MARCHF9: variants seen among roughly 807,000 people sequenced by gnomAD.
The protein encoded by MARCHF9 is membrane associated ring-CH-type finger 9.
In MARCHF9, 17 loss-of-function variants were observed where a neutral mutation model predicts 35.2. That is an observed-to-expected ratio of 0.48 (90% confidence interval 0.33 to 0.72). MARCHF9 has a LOEUF of 0.72. Among genes scored for constraint, MARCHF9 ranks in the 30% least tolerant of loss-of-function variants. The pLI is 0.02. For missense variants in MARCHF9, 386 were observed against 478.2 expected (o/e 0.81, Z 1.80); for synonymous variants, 183 against 207.4 (o/e 0.88, Z 1.01).
chr12:57,758,932 C>A lies in MARCHF9; in HGVS notation c.*35C>A. On this transcript the variant is annotated 3_prime_UTR_variant, in exon 4 of 4. Transcript: ENST00000266643. This position sits in a 1 kb window ranked among gnomAD's most constrained non-coding sequence, Gnocchi z 5.4. ...CAGGAGCAGGGATCTTGAGTCAATG[C>A]ATCAGTCAGAGAAGAACTCTCATGG... 1 of 1,523,784 alleles carries A rather than the reference C, an allele frequency of 6.6e-7. No homozygotes were observed. The highest frequency in any genetic ancestry group is 1.2e-5 in the South Asian group (1 of 80,118). 94.4% of individuals were successfully genotyped at this position (1,523,784 alleles called of 1,614,324 possible). A position where few individuals can be genotyped will look rare whatever the true frequency, so the allele number is the denominator to read the frequency against.
intron 1 of MARCHF9, 52 bp from the exon 2 acceptor site, chr12:57,756,877 G>A: frequency 7.1e-7 from 1 of 1,418,138 alleles, no homozygotes; most frequent in Non-Finnish European, 9.3e-7. Flanking sequence ...GCGCGGCTGA[G>A]TGGGGTCGGG....
chr12:57,758,746 G>A lies in MARCHF9; in HGVS notation c.890G>A (p.Ser297Asn). The change falls in exon 4 of 4, where the codon AGC (serine) becomes AAC (asparagine). Residue 297 changes from serine (S) to asparagine (N), a missense_variant. Transcript: ENST00000266643. This position sits in a 1 kb window ranked among gnomAD's most constrained non-coding sequence, Gnocchi z 5.4. ...ACGGGCCCCACCTCTGGGGCCACGA[G>A]CCGCCCCCCAGCTGCCCAGCGCATG... ...SRTGPTSGAT[S>N]RPPAAQRMRT... is the part of the protein sequence containing the mutation. 6.2e-7 allele frequency: 1 copy of A among 1,611,324 alleles called. No homozygotes were observed. Among genetic ancestry groups the A allele is most frequent in the South Asian group, 1.1e-5 (1 of 90,744 alleles).
Position 57,758,573 on chromosome 12 carries a change from C to T in MARCHF9, c.717C>T (p.Ile239=). 6.2e-7 allele frequency: 1 copy of T among 1,608,230 alleles called. No individual in the cohort carries two copies. Among genetic ancestry groups the T allele is most frequent in the Middle Eastern group, 1.7e-4 (1 of 6,028 alleles). The change falls in exon 4 of 4, where the codon ATC becomes ATT. Residue 239 remains isoleucine (I), a synonymous_variant. Transcript: ENST00000266643. This position sits in a 1 kb window ranked among gnomAD's most constrained non-coding sequence, Gnocchi z 5.4. The part of the protein sequence containing the change: ...FMDVVCIGLI[I]HEGSSVYRIF... ...ATTCCTATTGCTCAGGCCTCATCAT[C>T]CATGAAGGCTCCTCTGTCTACCGCA...
intron 2 of MARCHF9, 134 bp downstream of exon 2, chr12:57,757,218 G>T: frequency 1.0e-6 from 1 of 971,294 alleles, no homozygotes; most frequent in Non-Finnish European, 1.5e-6. Flanking sequence ...ACAGTCTCCC[G>T]TGTGTCTGTA....
rs751178341 is a variant in MARCHF9 at position 57,755,935 on chromosome 12, G to A, written c.357+50G>A. 18 of 1,327,490 alleles carry A rather than the reference G, an allele frequency of 1.4e-5. No homozygotes were observed. In the East Asian group the frequency reaches 4.9e-4, roughly 36 times the overall value. 82.2% of individuals were successfully genotyped at this position (1,327,490 alleles called of 1,614,324 possible). The stretch of plus-strand genomic sequence containing the variant: ...CGCGGAGGGTGGAGGCGCGCACCTG[G>A]GGTGTCAGCGGAGACCGCGAGCAGG... On this transcript the variant is annotated intron_variant, in intron 1 of 3. Transcript: ENST00000266643.
In MARCHF9 at chr12:57,759,634, T is replaced by C. The variant is rs114310381; in HGVS notation, c.*737T>C. 2 of 152,248 alleles carry C rather than the reference T, an allele frequency of 1.3e-5. No individual in the cohort carries two copies. Among genetic ancestry groups the C allele is most frequent in the Non-Finnish European group, 2.9e-5 (2 of 68,004 alleles). The allele number at this position is 152,248 out of a possible 1,614,324, so 9.4% of individuals were successfully genotyped here. A position where few individuals can be genotyped will look rare whatever the true frequency, so the allele number is the denominator to read the frequency against. Reference sequence around the variant, plus strand: ...CCTGCCACCTATGAGTTGTGTGATATAGAAAAAAATCTCTTAGCTCTGGTT... The same window carrying C: ...CCTGCCACCTATGAGTTGTGTGATACAGAAAAAAATCTCTTAGCTCTGGTT... On this transcript the variant is annotated 3_prime_UTR_variant, in exon 4 of 4. Coordinates refer to ENST00000266643, the MANE Select transcript of MARCHF9 (RefSeq NM_138396.6).
At position 57,755,351 on chromosome 12, in the gene MARCHF9, G is replaced by A. The variant is rs557950057; in HGVS notation, c.-178G>A. 79 of 345,778 alleles carry A rather than the reference G, an allele frequency of 2.3e-4. 5 individuals are homozygous for A. Among genetic ancestry groups the A allele is most frequent in the Admixed American group, 6.5e-4 (13 of 20,022 alleles). The allele number at this position is 345,778 out of a possible 1,614,324, so 21.4% of individuals were successfully genotyped here. A position where few individuals can be genotyped will look rare whatever the true frequency, so the allele number is the denominator to read the frequency against. Reference sequence around the variant, plus strand: ...CGCCCCCGGGCCGCCAGCCCGCTCGGCCCCGCAAGCACCGGAGCCCCGGCG... The same window carrying A: ...CGCCCCCGGGCCGCCAGCCCGCTCGACCCCGCAAGCACCGGAGCCCCGGCG... On this transcript the variant is annotated 5_prime_UTR_variant, in exon 1 of 4. Coordinates refer to ENST00000266643, the MANE Select transcript of MARCHF9 (RefSeq NM_138396.6).
At chr12:57,757,116 G>T (rs2140392916) in intron 2 of MARCHF9, 32 bp downstream of exon 2, 2 of 1,514,046 alleles carry the variant, frequency 1.3e-6, no homozygotes, top group South Asian at 1.3e-5. Flanking sequence ...CGGAGATTGG[G>T]CGAGGACCTT....
chr12:57,757,330 C>T (rs1052474296), intron 2 of MARCHF9: 1 of 356,634 alleles, frequency 2.8e-6, no homozygotes, highest in Non-Finnish European at 4.9e-6. Flanking sequence ...ACTCCCCACC[C>T]GCCACAAAAA....
Position 57,757,060 on chromosome 12 carries a change from G to T in MARCHF9, c.489G>T (p.Ala163=). 2 of 1,553,868 alleles carry T rather than the reference G, an allele frequency of 1.3e-6. No individual in the cohort carries two copies. The highest frequency in any genetic ancestry group is 1.2e-5 in the South Asian group (1 of 84,114). The change falls in exon 2 of 4, where the codon GCG becomes GCT. Residue 163 remains alanine, a synonymous_variant. Transcript: ENST00000266643. ...GCTACTTCAAGTACCAGGTCCTGGC[G>T]ATCAGCACCAAGAACCCACTGCAGG... ...ELCYFKYQVL[A]ISTKNPLQWQ... is the part of the protein sequence containing the mutation.
chr12:57,757,834 T>C (rs2140393260), intron 2 of MARCHF9: 1 of 601,758 alleles, frequency 1.7e-6, no homozygotes, highest in East Asian at 2.8e-5. Context: ...TTACCCAAGG[T>C]TACTTAGCCA....
chr12:57,756,798 T>C (rs1462517858), intron 1 of MARCHF9, 131 bp from the exon 2 acceptor site: 12 of 964,402 alleles, frequency 1.2e-5, no homozygotes, highest in South Asian at 1.2e-4. Flanking sequence ...TCTTGCCCTG[T>C]CTTGGGTGAA....
chr12:57,759,003 C>A lies in MARCHF9; in HGVS notation c.*106C>A. ...ACAAGGTGTTTGGGGCATGCTGCCC[C>A]CGTCACCGAGGATCTGTGTGGGTAG... On this transcript the variant is annotated 3_prime_UTR_variant, in exon 4 of 4. Transcript: ENST00000266643. The A allele has an allele frequency of 8.8e-7, 1 of 1,142,536 alleles. No homozygotes were observed. The highest frequency in any genetic ancestry group is 1.6e-5 in the African/African-American group (1 of 64,082). 70.8% of individuals were successfully genotyped at this position (1,142,536 alleles called of 1,614,324 possible).
rs918805085 is a variant in MARCHF9 at position 57,759,272 on chromosome 12, C to T, written c.*375C>T. The T allele has an allele frequency of 1.2e-4, 26 of 220,342 alleles. No homozygotes were observed. The highest frequency in any genetic ancestry group is 2.1e-4 in the Non-Finnish European group (23 of 110,130). 13.6% of individuals were successfully genotyped at this position (220,342 alleles called of 1,614,324 possible). On this transcript the variant is annotated 3_prime_UTR_variant, in exon 4 of 4. Transcript: ENST00000266643. ...ATGCCAGAAGAAAGGGGCTGTAGAC[C>T]CCTATTCCCCACCCCATGGCCACAG...
Position 57,759,266 on chromosome 12 carries a change from G to A in MARCHF9, c.*369G>A. Reference sequence around the variant, plus strand: ...GGACCAATGCCAGAAGAAAGGGGCTGTAGACCCCTATTCCCCACCCCATGG... The same window carrying A: ...GGACCAATGCCAGAAGAAAGGGGCTATAGACCCCTATTCCCCACCCCATGG... On this transcript the variant is annotated 3_prime_UTR_variant, in exon 4 of 4. Transcript: ENST00000266643. The A allele has an allele frequency of 4.3e-6, 1 of 233,124 alleles. No individual in the cohort carries two copies. The highest frequency in any genetic ancestry group is 8.5e-6 in the Non-Finnish European group (1 of 117,694). 14.4% of individuals were successfully genotyped at this position (233,124 alleles called of 1,614,324 possible). A position where few individuals can be genotyped will look rare whatever the true frequency, so the allele number is the denominator to read the frequency against.
chr12:57,755,723 C>T lies in MARCHF9; in HGVS notation c.195C>T (p.Ala65=), dbSNP rs1955282113. Residue 65 remains alanine (A), a synonymous_variant, in exon 1 of 4, where the codon GCC becomes GCT. Coordinates refer to ENST00000266643, the MANE Select transcript of MARCHF9 (RefSeq NM_138396.6). Reference sequence around the variant, plus strand: ...AGTACTACGGGTCGGAGCCGCGGGCCCGGGGCCTGGCCGGCGACAAGGAGC... The same window carrying T: ...AGTACTACGGGTCGGAGCCGCGGGCTCGGGGCCTGGCCGGCGACAAGGAGC... ...EEEYYGSEPR[A]RGLAGDKEPR... is the part of the protein sequence containing the mutation. 8.2e-7 allele frequency: 1 copy of T among 1,222,178 alleles called. No homozygotes were observed. 75.7% of individuals were successfully genotyped at this position (1,222,178 alleles called of 1,614,324 possible). A position where few individuals can be genotyped will look rare whatever the true frequency, so the allele number is the denominator to read the frequency against.
rs1341301890 is a variant in MARCHF9, at chr12:57,759,171, G to A, written c.*274G>A. On this transcript the variant is annotated 3_prime_UTR_variant, in exon 4 of 4. Coordinates refer to ENST00000266643, the MANE Select transcript of MARCHF9 (RefSeq NM_138396.6). ...GGGAGAGCAGCTTTCCTTCCCTGGAGAGAACCGTCTTTACCTCAGCTCCTA... is the reference window on the plus strand; with the variant it reads ...GGGAGAGCAGCTTTCCTTCCCTGGAAAGAACCGTCTTTACCTCAGCTCCTA... 8 of 414,028 alleles carry A rather than the reference G, an allele frequency of 1.9e-5. No individual in the cohort carries two copies. Among genetic ancestry groups the A allele is most frequent in the Non-Finnish European group, 2.6e-5 (6 of 229,742 alleles). 25.6% of individuals were successfully genotyped at this position (414,028 alleles called of 1,614,324 possible). A position where few individuals can be genotyped will look rare whatever the true frequency, so the allele number is the denominator to read the frequency against.
In MARCHF9 at chr12:57,759,058, C is replaced by G; in HGVS notation, c.*161C>G. ...AAGCTGGAGACATTGTCTGGCCTCA[C>G]TGCCCACTGGGTAGAGACACCTGGA... On this transcript the variant is annotated 3_prime_UTR_variant, in exon 4 of 4. Coordinates refer to ENST00000266643, the MANE Select transcript of MARCHF9 (RefSeq NM_138396.6). 1 of 705,892 alleles carries G rather than the reference C, an allele frequency of 1.4e-6. No individual in the cohort carries two copies. The highest frequency in any genetic ancestry group is 2.3e-6 in the Non-Finnish European group (1 of 439,992). 43.7% of individuals were successfully genotyped at this position (705,892 alleles called of 1,614,324 possible). A position where few individuals can be genotyped will look rare whatever the true frequency, so the allele number is the denominator to read the frequency against.
chr12:57,759,224 G>A lies in MARCHF9; in HGVS notation c.*327G>A, dbSNP rs191637509. ...GCCTCCAGCCCCCCAGCTCCACCAC[G>A]GTGACTTGGTGAAGGGGGACCAATG... On this transcript the variant is annotated 3_prime_UTR_variant, in exon 4 of 4. Transcript: ENST00000266643. 1.7e-5 allele frequency: 5 copies of A among 292,740 alleles called. No homozygotes were observed. Among genetic ancestry groups the A allele is most frequent in the East Asian group, 1.3e-4 (2 of 15,998 alleles). 18.1% of individuals were successfully genotyped at this position (292,740 alleles called of 1,614,324 possible).
Sources: gnomAD v4.1 joint callset for allele counts on GRCh38, gnomAD v4.1.1 for gene constraint, Gnocchi (gnomAD v3.1) non-coding constraint, MANE v1.5 for transcripts, NCBI Gene and HGNC (gene_info 2026-07-23, HGNC 2026-07-21) for gene names.